Variants in PCDHGB1 observed in about 807,000 individuals in gnomAD.
PCDHGB1 encodes protocadherin gamma-B1.
In PCDHGB1, 34 loss-of-function variants were observed where a neutral mutation model predicts 56.6. The observed-to-expected ratio is 0.60, with a 90% confidence interval of 0.46 to 0.80. The LOEUF (loss-of-function observed/expected upper bound fraction) is 0.80, where lower values mean the gene tolerates loss of function less well. Ranked by LOEUF, PCDHGB1 falls within the 30% of genes least tolerant of loss-of-function variation. The pLI is 0.00. For synonymous variants in PCDHGB1, 561 were observed against 505.9 expected (o/e 1.11, Z -1.46); for missense variants, 1,278 against 1,204.6 (o/e 1.06, Z -0.90).
At chr5:141,414,186 G>C in intron 1 of PCDHGB1, 1 of 1,609,824 alleles carries the variant, frequency 6.2e-7, no homozygotes, top group Non-Finnish European at 8.5e-7. Context: ...CTGCAAAAGT[G>C]TTGATTACAG....
At chr5:141,408,683 G>C in intron 1 of PCDHGB1, 2 of 1,613,906 alleles carry the variant, frequency 1.2e-6, no homozygotes, top group Non-Finnish European at 1.7e-6. Flanking sequence ...CACGGATCCT[G>C]ATATAAACAT....
intron 1 of PCDHGB1, chr5:141,388,295 C>A (rs766909730): frequency 8.1e-6 from 13 of 1,613,442 alleles, no homozygotes; most frequent in Non-Finnish European, 1.1e-5. Flanking sequence ...CGCAAAATTC[C>A]TTTGAGCTGC....
At position 141,371,721 on chromosome 5, in the gene PCDHGB1, C is replaced by T. The variant is rs199558038; in HGVS notation, c.2409+19052C>T. 1,426 of 1,614,084 alleles carry T rather than the reference C, an allele frequency of 8.8e-4. 23 individuals are homozygous for T. In the South Asian group the frequency reaches 0.014, roughly 16 times the overall value. On this transcript the variant is annotated intron_variant, in intron 1 of 3. Coordinates refer to ENST00000523390, the MANE Select transcript of PCDHGB1 (RefSeq NM_018922.3). ...CAGCAAGACCATCACTCTGCACATCCTTGATGTCAACGACAACGTTCCCGT... is the reference window on the plus strand; with the variant it reads ...CAGCAAGACCATCACTCTGCACATCTTTGATGTCAACGACAACGTTCCCGT...
intron 1 of PCDHGB1, chr5:141,421,442 A>G (rs769354611): frequency 1.7e-5 from 27 of 1,613,990 alleles, no homozygotes; most frequent in Non-Finnish European, 2.2e-5. Context: ...TCCAGAGGGA[A>G]GACACAGCTT....
At chr5:141,377,663 A>C (rs1774232971) in intron 1 of PCDHGB1, 1 of 152,130 alleles carries the variant, frequency 6.6e-6, no homozygotes, top group African/African-American at 2.4e-5. Context: ...TAAACGACAG[A>C]CGTTCATACA....
chr5:141,364,207 C>T (rs1763218891), intron 1 of PCDHGB1: 1 of 1,184,316 alleles, frequency 8.4e-7, no homozygotes, highest in African/African-American at 1.5e-5. Context: ...ACCAGACAAG[C>T]TCCTACGAAA....
At chr5:141,389,538 G>C (rs772693461) in intron 1 of PCDHGB1, 1 of 1,613,186 alleles carries the variant, frequency 6.2e-7, no homozygotes, top group African/African-American at 1.3e-5. Flanking sequence ...GTTAGTGGAC[G>C]ACCGCAACGA....
chr5:141,351,555 C>T lies in PCDHGB1; in HGVS notation c.1295C>T (p.Thr432Ile), dbSNP rs776805404. The change falls in exon 1 of 4, where the codon ACA becomes ATA. Residue 432 changes from threonine to isoleucine, a missense_variant. Coordinates refer to ENST00000523390, the MANE Select transcript of PCDHGB1 (RefSeq NM_018922.3). ...GGCAAACCAGCCCTTTCCTCCAGGA[C>T]AAGCATCACCCTGCACATCTCCGAC... ...DKGKPALSSR[T>I]SITLHISDIN... 4.3e-6 allele frequency: 7 copies of T among 1,614,022 alleles called. No homozygotes were observed. Among genetic ancestry groups the T allele is most frequent in the South Asian group, 3.3e-5 (3 of 91,086 alleles).
chr5:141,491,434 A>G lies in PCDHGB1; in HGVS notation c.2410-3373A>G, dbSNP rs1362196179. The G allele has an allele frequency of 6.2e-7, 1 of 1,614,032 alleles. No individual in the cohort carries two copies. ...GGACGGGGGTGGAGGGCAGTGCTGC[A>G]GGCGCCAGGACTCACCCTCCCCGGA... On this transcript the variant is annotated intron_variant, in intron 1 of 3. Coordinates refer to ENST00000523390, the MANE Select transcript of PCDHGB1 (RefSeq NM_018922.3). The surrounding 1 kb of genome is among the most constrained non-coding windows in gnomAD (Gnocchi z 6.9).
rs562011010 is a variant in PCDHGB1, at chr5:141,427,600, G to A, written c.2410-67207G>A. On this transcript the variant is annotated intron_variant, in intron 1 of 3. Coordinates refer to ENST00000523390, the MANE Select transcript of PCDHGB1 (RefSeq NM_018922.3). ...TCATCCAGCACAAGCCTCACCCTAC[G>A]CATTGGTGAAGTCAACGACAATGCT... The A allele has an allele frequency of 6.7e-5, 46 of 683,296 alleles. 1 individual carries two copies. The East Asian group carries it at 1.2e-3, about 18-fold the overall frequency. 42.3% of individuals were successfully genotyped at this position (683,296 alleles called of 1,614,324 possible). A position where few individuals can be genotyped will look rare whatever the true frequency, so the allele number is the denominator to read the frequency against.
intron 1 of PCDHGB1, chr5:141,361,539 C>G (rs754978831): frequency 3.1e-6 from 5 of 1,614,028 alleles, no homozygotes; most frequent in Non-Finnish European, 4.2e-6. Flanking sequence ...ATCCTCCTGG[C>G]GCCTCTATCG....
intron 1 of PCDHGB1, chr5:141,403,027 G>A: frequency 6.2e-7 from 1 of 1,614,070 alleles, no homozygotes; most frequent in East Asian, 2.2e-5. Context: ...TGCTATGGGA[G>A]GCCAGGGCCA....
chr5:141,506,061 G>A (rs1260513343), intron 3 of PCDHGB1, among the ~76,000 whole-genome samples: 2 of 152,144 alleles, frequency 1.3e-5, no homozygotes, highest in Non-Finnish European at 2.9e-5. Flanking sequence ...GGTTGACTAA[G>A]GGCTTCCTTT....
chr5:141,427,683 G>T, intron 1 of PCDHGB1: 1 of 836,052 alleles, frequency 1.2e-6, no homozygotes, highest in African/African-American at 1.7e-5. Context: ...CCTTCCCGGA[G>T]CCTCCATCCC....
chr5:141,350,137 G>A lies in PCDHGB1; in HGVS notation c.-124G>A. Reference sequence around the variant, plus strand: ...GTCCGGTGCACTGAGCACAGACGCTGCTCCTGTTCACCCTCGAGCGCCTAA... The same window carrying A: ...GTCCGGTGCACTGAGCACAGACGCTACTCCTGTTCACCCTCGAGCGCCTAA... On this transcript the variant is annotated 5_prime_UTR_variant, in exon 1 of 4. Coordinates refer to ENST00000523390, the MANE Select transcript of PCDHGB1 (RefSeq NM_018922.3). 1 of 770,114 alleles carries A rather than the reference G, an allele frequency of 1.3e-6. No homozygotes were observed. The allele number at this position is 770,114 out of a possible 1,614,324, so 47.7% of individuals were successfully genotyped here.
chr5:141,500,084 C>T (rs1354544132), intron 2 of PCDHGB1, among the ~76,000 whole-genome samples: 1 of 152,030 alleles, frequency 6.6e-6, no homozygotes, highest in Non-Finnish European at 1.5e-5. Flanking sequence ...CCTCCATCTT[C>T]CATTTTTGCA....
chr5:141,473,238 G>A (rs1265577738), intron 1 of PCDHGB1, among the ~76,000 whole-genome samples: 4 of 152,200 alleles, frequency 2.6e-5, no homozygotes, highest in Admixed American at 6.5e-5. Context: ...ATCCACACAA[G>A]TGAATACATA....
Position 141,432,806 on chromosome 5 carries a change from A to G in PCDHGB1, c.2410-62001A>G, listed in dbSNP as rs755248654. 12 of 1,614,070 alleles carry G rather than the reference A, an allele frequency of 7.4e-6. No individual in the cohort carries two copies. Among genetic ancestry groups the G allele is most frequent in the Non-Finnish European group, 9.3e-6 (11 of 1,179,972 alleles). On this transcript the variant is annotated intron_variant, in intron 1 of 3. Transcript: ENST00000523390. This position sits in a 1 kb window ranked among gnomAD's most constrained non-coding sequence, Gnocchi z 6.0. ...CCTCGGCAGCCTCGAGTCTCCAGCT[A>G]ACTCTGAAACCTCAGACCTCACTCT...
chr5:141,408,870 G>A (rs780987841), intron 1 of PCDHGB1: 1 of 1,613,656 alleles, frequency 6.2e-7, no homozygotes, highest in South Asian at 1.1e-5. Context: ...CCACCAAGAA[G>A]TGCCACCGCT....
Sources: allele counts gnomAD v4.1 joint callset (sites outside exome capture counted in the v4.1 genomes callset), GRCh38; gene constraint gnomAD v4.1.1; non-coding constraint Gnocchi (gnomAD v3.1); transcripts MANE v1.5; gene names NCBI Gene and HGNC (gene_info 2026-07-23, HGNC 2026-07-21).